RBM20: variants seen among roughly 807,000 people sequenced by gnomAD.
RBM20 encodes RNA binding motif protein 20.
RBM20 carries 51 observed loss-of-function variants against 110.1 expected under a neutral mutation model. The ratio of observed to expected loss-of-function variants is 0.46; its 90% CI spans 0.37 to 0.59. The LOEUF (loss-of-function observed/expected upper bound fraction) is 0.59. RBM20 is among the 20% of genes least tolerant of loss of function. RBM20 has a pLI of 0.00. For missense variants in RBM20, 1,512 were observed against 1,574.9 expected, an observed-to-expected ratio of 0.96 and a Z score of 0.68; for synonymous variants, 589 against 618.2, an observed-to-expected ratio of 0.95 and a Z score of 0.70.
At chr10:110,833,513 C>T (rs142098635) in intron 13 of RBM20, among the ~76,000 whole-genome samples, 71 of 151,908 alleles carry the variant, frequency 4.7e-4, no homozygotes, top group South Asian at 3.9e-3. Flanking sequence ...CTCTGATAGT[C>T]GATGTGAGAA....
At chr10:110,741,523 A>G (rs1843725048) in intron 1 of RBM20, among the ~76,000 whole-genome samples, 2 of 151,386 alleles carry the variant, frequency 1.3e-5, no homozygotes, top group African/African-American at 4.9e-5. Context: ...GTCATCCTCA[A>G]CTCCTTCCTT....
intron 1 of RBM20, among the ~76,000 whole-genome samples, chr10:110,668,875 T>C (rs1485804983): frequency 1.3e-5 from 2 of 150,966 alleles, no homozygotes; most frequent in Non-Finnish European, 2.9e-5. Context: ...GTTACTTTTT[T>C]AGTATAACAA....
intron 1 of RBM20, among the ~76,000 whole-genome samples, chr10:110,768,266 AGG>A (rs1472828979): frequency 6.6e-6 from 1 of 151,896 alleles, no homozygotes. Context: ...GGAGAGGGAG[AGG>A]GAGAACTTTC....
At chr10:110,729,751 T>C (rs370814454) in intron 1 of RBM20, among the ~76,000 whole-genome samples, 10 of 152,240 alleles carry the variant, frequency 6.6e-5, no homozygotes, top group African/African-American at 2.2e-4. Flanking sequence ...CTAGATGCGA[T>C]GTTGGAATGC....
At chr10:110,833,232 T>C (rs1422465700) in intron 13 of RBM20, among the ~76,000 whole-genome samples, 1 of 151,090 alleles carries the variant, frequency 6.6e-6, no homozygotes, top group African/African-American at 2.4e-5. Context: ...CTACTAAAAA[T>C]ACAAAAACTA....
At chr10:110,830,342 C>T (rs1230103881) in intron 12 of RBM20, among the ~76,000 whole-genome samples, 1 of 152,170 alleles carries the variant, frequency 6.6e-6, no homozygotes, top group Non-Finnish European at 1.5e-5. Flanking sequence ...AATCAAAAGG[C>T]CTCCCAGAAT....
At chr10:110,737,170 T>A (rs1444284151) in intron 1 of RBM20, among the ~76,000 whole-genome samples, 3 of 23,326 alleles carry the variant, frequency 1.3e-4, no homozygotes, top group African/African-American at 4.0e-4. Flanking sequence ...AGAGTGAAAC[T>A]CTGCCTCAAA....
At chr10:110,835,808 C>G in intron 13 of RBM20, 60 bp from the exon 14 acceptor site, 2 of 1,507,022 alleles carry the variant, frequency 1.3e-6, no homozygotes, top group Non-Finnish European at 1.8e-6. Flanking sequence ...CGCTCCTCTC[C>G]TCTCCATCTA....
In RBM20 at chr10:110,764,067, C is replaced by T. The variant is rs187460042; in HGVS notation, c.192-16734C>T. Reference sequence around the variant, plus strand: ...TCACTTTTCCTCCTGAAAGGTATTGCAGTTACCACTGGGTAGGTGAAATGA... The same window carrying T: ...TCACTTTTCCTCCTGAAAGGTATTGTAGTTACCACTGGGTAGGTGAAATGA... On this transcript the variant is annotated intron_variant, in intron 1 of 13. Coordinates refer to ENST00000369519, the MANE Select transcript of RBM20 (RefSeq NM_001134363.3). Among the ~76,000 whole-genome samples the T allele has an allele frequency of 1.1e-4, 16 of 152,248 alleles. No individual in the cohort carries two copies. In the East Asian group the frequency reaches 3.1e-3, roughly 29 times the overall value.
intron 12 of RBM20, among the ~76,000 whole-genome samples, chr10:110,828,622 C>T (rs536921209): frequency 1.3e-5 from 2 of 152,230 alleles, no homozygotes; most frequent in Non-Finnish European, 2.9e-5. Flanking sequence ...TATTTTTGAG[C>T]AACAGGCAAA....
chr10:110,784,010 A>ACTGG (rs1844387791), intron 3 of RBM20, among the ~76,000 whole-genome samples: 1 of 152,184 alleles, frequency 6.6e-6, no homozygotes, highest in African/African-American at 2.4e-5. Context: ...GCCTTTGGTG[A>ACTGG]CTGGCTTTTT....
intron 1 of RBM20, among the ~76,000 whole-genome samples, chr10:110,717,533 C>T (rs1863038181): frequency 6.6e-6 from 1 of 152,216 alleles, no homozygotes; most frequent in South Asian, 2.1e-4. Context: ...CCCTGGCCAT[C>T]TGGAATGAAC....
intron 1 of RBM20, among the ~76,000 whole-genome samples, chr10:110,710,174 A>C (rs1046854209): frequency 6.6e-6 from 1 of 152,188 alleles, no homozygotes; most frequent in Non-Finnish European, 1.5e-5. Context: ...CTGACGAGTG[A>C]AAACAGATAC....
At chr10:110,785,028 C>T (rs1844403413) in intron 5 of RBM20, 139 bp downstream of exon 5, 3 of 617,190 alleles carry the variant, frequency 4.9e-6, no homozygotes, top group Non-Finnish European at 8.4e-6. Context: ...ACTCCTGGTC[C>T]CAAGTGATCT....
chr10:110,697,054 A>T (rs1862675388), intron 1 of RBM20, among the ~76,000 whole-genome samples: 1 of 152,216 alleles, frequency 6.6e-6, no homozygotes, highest in Non-Finnish European at 1.5e-5. Context: ...TAAGGAAAAA[A>T]ACTTATCCTG....
At chr10:110,803,707 A>G (rs890057511) in intron 7 of RBM20, among the ~76,000 whole-genome samples, 3 of 151,800 alleles carry the variant, frequency 2.0e-5, no homozygotes, top group Non-Finnish European at 4.4e-5. Context: ...GTATGTCTCA[A>G]CTACATAGTA....
chr10:110,810,753 G>A (rs1397448858), intron 8 of RBM20, among the ~76,000 whole-genome samples: 2 of 151,990 alleles, frequency 1.3e-5, no homozygotes, highest in Non-Finnish European at 2.9e-5. Flanking sequence ...TTGGCCCTTT[G>A]GGGCAAGTCT....
chr10:110,768,954 G>T (rs1030093233), intron 1 of RBM20, among the ~76,000 whole-genome samples: 2 of 152,202 alleles, frequency 1.3e-5, no homozygotes, highest in African/African-American at 4.8e-5. Context: ...AAATTTCAGT[G>T]TTTATTCTTC....
chr10:110,761,656 G>T (rs567378323), intron 1 of RBM20, among the ~76,000 whole-genome samples: 2 of 152,210 alleles, frequency 1.3e-5, no homozygotes, highest in African/African-American at 4.8e-5. Flanking sequence ...CACACGTGGG[G>T]TGTATACCAC....
Sources: gnomAD v4.1 joint callset for allele counts (sites outside exome capture counted in the v4.1 genomes callset) on GRCh38, gnomAD v4.1.1 for gene constraint, MANE v1.5 for transcripts, NCBI Gene and HGNC (gene_info 2026-07-23, HGNC 2026-07-21) for gene names.